Variants in HAUS8 observed in about 807,000 individuals in gnomAD.
The protein encoded by HAUS8 is HAUS augmin-like complex subunit 8.
Under a neutral mutation model 42.9 loss-of-function variants are expected in HAUS8, and 38 were observed. The observed-to-expected ratio is 0.89, with a 90% confidence interval of 0.68 to 1.16. The LOEUF (loss-of-function observed/expected upper bound fraction) is 1.16. HAUS8 is among the 50% of genes most tolerant of loss of function. HAUS8 has a pLI of 0.00. For synonymous variants in HAUS8, 199 were observed against 205.8 expected (o/e 0.97, Z 0.28); for missense variants, 494 against 511.6 (o/e 0.97, Z 0.33).
rs188812472 is a variant in HAUS8 at position 17,064,819 on chromosome 19, C to T, written c.148-2040G>A. On this transcript the variant is annotated intron_variant, in intron 3 of 10. Coordinates refer to ENST00000253669, the MANE Select transcript of HAUS8 (RefSeq NM_033417.2). Reference sequence around the variant, plus strand: ...GGTGGAGATATCCTGGATAAGACTCCAAAAGCACAATCCACAAATGGGGAA... The same window carrying T: ...GGTGGAGATATCCTGGATAAGACTCTAAAAGCACAATCCACAAATGGGGAA... Among the ~76,000 whole-genome samples, 3 of 152,198 alleles carry T rather than the reference C, an allele frequency of 2.0e-5. No homozygotes were observed. The East Asian group carries it at 5.8e-4, about 29-fold the overall frequency.
intron 4 of HAUS8, among the ~76,000 whole-genome samples, chr19:17,060,397 T>C (rs992934610): frequency 6.6e-6 from 1 of 152,222 alleles, no homozygotes; most frequent in Admixed American, 6.5e-5. Flanking sequence ...ATTCCCATTC[T>C]ACCCTCTACT....
intron 4 of HAUS8, among the ~76,000 whole-genome samples, chr19:17,061,021 C>T (rs2057357365): frequency 1.3e-5 from 2 of 151,978 alleles, no homozygotes; most frequent in Admixed American, 1.3e-4. Flanking sequence ...AATATAACAA[C>T]GATTTGTGTT....
chr19:17,059,461 C>A, intron 6 of HAUS8, 96 bp downstream of exon 6: 2 of 815,488 alleles, frequency 2.5e-6, no homozygotes, highest in East Asian at 4.9e-5. Context: ...CTTTTATGTT[C>A]TTGGATCCGT....
chr19:17,060,148 A>G, intron 4 of HAUS8, 56 bp from the exon 5 acceptor site: 1 of 1,271,060 alleles, frequency 7.9e-7, no homozygotes, highest in East Asian at 2.3e-5. Context: ...TCTCCATTCA[A>G]GCCAGGAAAC....
intron 10 of HAUS8, 111 bp downstream of exon 10, chr19:17,052,714 T>C: frequency 3.5e-6 from 4 of 1,150,362 alleles, no homozygotes; most frequent in Non-Finnish European, 3.8e-6. Context: ...CTCAGGGGAC[T>C]GAACCTCCTC....
chr19:17,066,248 A>G (rs1446195308), intron 3 of HAUS8, among the ~76,000 whole-genome samples: 1 of 151,842 alleles, frequency 6.6e-6, no homozygotes, highest in Non-Finnish European at 1.5e-5. Context: ...CACCATGCCC[A>G]GCCACTTGGC....
At position 17,055,114 on chromosome 19, in the gene HAUS8, GAAAAAAAAA is replaced by G. The variant is rs1175327637; in HGVS notation, c.787+738_787+746del. On this transcript the variant is annotated intron_variant, in intron 9 of 10. Coordinates refer to ENST00000253669, the MANE Select transcript of HAUS8 (RefSeq NM_033417.2). ...AACATAGCGAAACCCCGTCTCTACA[GAAAAAAAAA>G]AAAAAAAAAAAAAAAAAAAAATATA... The G allele has an allele frequency of 0.012, 55 of 4,710 alleles. 1 individual carries two copies. In the South Asian group the frequency reaches 0.12, roughly 10 times the overall value. 0.3% of individuals were successfully genotyped at this position (4,710 alleles called of 1,614,324 possible).
At chr19:17,070,618 A>G (rs1568642390) in intron 2 of HAUS8, among the ~76,000 whole-genome samples, 4 of 152,164 alleles carry the variant, frequency 2.6e-5, no homozygotes, top group Non-Finnish European at 5.9e-5. Context: ...ATTTCGTCAC[A>G]GCATCTGTCA....
chr19:17,071,941 A>G (rs578134611), intron 2 of HAUS8, among the ~76,000 whole-genome samples: 61 of 152,114 alleles, frequency 4.0e-4, no homozygotes, highest in Non-Finnish European at 8.4e-4. Context: ...AGCCGAGATC[A>G]CGCCACTGCA....
chr19:17,050,202 C>A (rs545828541), intron 10 of HAUS8, 26 bp from the exon 11 acceptor site: 1 of 1,460,390 alleles, frequency 6.8e-7, no homozygotes, highest in Non-Finnish European at 9.1e-7. Context: ...GAAAGAATAA[C>A]GGCTTTCACC....
At chr19:17,055,165 TATATATATATATATATATATATATATAA>T (rs2057316692) in intron 9 of HAUS8, 1 of 42,958 alleles carries the variant, frequency 2.3e-5, no homozygotes, top group African/African-American at 1.4e-4. Flanking sequence ...TATATATATA[TATATATATATATATATATATATATATAA>T]GCCAGGTGTG....
chr19:17,058,485 C>T lies in HAUS8; in HGVS notation c.645+64G>A, dbSNP rs2057339016. ...TACCCTAGCACGAATGCTACCGAAA[C>T]AGTGGAGATGGGACAGATTCACAGG... On this transcript the variant is annotated intron_variant, in intron 8 of 10. Coordinates refer to ENST00000253669, the MANE Select transcript of HAUS8 (RefSeq NM_033417.2). The T allele has an allele frequency of 9.6e-6, 14 of 1,465,640 alleles. No individual in the cohort carries two copies. In the South Asian group the frequency reaches 1.9e-4, roughly 20 times the overall value. The allele number at this position is 1,465,640 out of a possible 1,614,324, so 90.8% of individuals were successfully genotyped here.
chr19:17,063,869 AC>A (rs1197847695), intron 3 of HAUS8, among the ~76,000 whole-genome samples: 1 of 152,154 alleles, frequency 6.6e-6, no homozygotes, highest in Non-Finnish European at 1.5e-5. Context: ...CTCACACTGA[AC>A]TAAACCACCA....
intron 3 of HAUS8, among the ~76,000 whole-genome samples, chr19:17,064,291 T>G (rs2057376278): frequency 6.6e-6 from 1 of 152,248 alleles, no homozygotes; most frequent in South Asian, 2.1e-4. Context: ...ATTGAAAGAC[T>G]CGCTTTTATT....
At chr19:17,055,702 G>A (rs747507586) in intron 9 of HAUS8, 159 bp downstream of exon 9, 269 of 709,126 alleles carry the variant, frequency 3.8e-4, no homozygotes, top group Non-Finnish European at 5.5e-4. Context: ...TACTCAGGGC[G>A]AGACCCTTGG....
intron 10 of HAUS8, chr19:17,051,906 T>G (rs1194986362): frequency 6.6e-6 from 1 of 151,708 alleles, no homozygotes; most frequent in African/African-American, 2.4e-5. Context: ...TTTGGGGGGC[T>G]GAGGTGGGCA....
In HAUS8 at chr19:17,055,850, C is replaced by G; in HGVS notation, c.787+11G>C. ...CCTGCTGCACACGCACTGGGACGCC[C>G]CGTTTCCTACCTAAGAGCTGCTGCC... On this transcript the variant is annotated intron_variant, in intron 9 of 10. Transcript: ENST00000253669. The G allele has an allele frequency of 6.2e-7, 1 of 1,611,738 alleles. No homozygotes were observed. Among genetic ancestry groups the G allele is most frequent in the South Asian group, 1.1e-5 (1 of 90,976 alleles).
At position 17,052,964 on chromosome 19, in the gene HAUS8, C is replaced by T. The variant is rs776600450; in HGVS notation, c.790G>A (p.Ala264Thr). 7 of 1,613,968 alleles carry T rather than the reference C, an allele frequency of 4.3e-6. No individual in the cohort carries two copies. The highest frequency in any genetic ancestry group is 3.3e-5 in the Admixed American group (2 of 59,990). Reference protein sequence around the residue: ...LEGDGQQLLDALQHELVTTQR... With the variant: ...LEGDGQQLLDTLQHELVTTQR... ...GTGGTCACCAGTTCATGCTGCAGGGCGTCTGGAGGGGAAGAGGGATGGTGG... is the reference window on the plus strand; with the variant it reads ...GTGGTCACCAGTTCATGCTGCAGGGTGTCTGGAGGGGAAGAGGGATGGTGG... Residue 264 changes from alanine (A) to threonine (T), a missense_variant and splice_region_variant, in exon 10 of 11, where the codon GCC becomes ACC. Coordinates refer to ENST00000253669, the MANE Select transcript of HAUS8 (RefSeq NM_033417.2).
chr19:17,075,199 T>G, intron 1 of HAUS8, 195 bp downstream of exon 1: 1 of 619,430 alleles, frequency 1.6e-6, no homozygotes, highest in East Asian at 2.9e-5. Flanking sequence ...GACGCGGAAC[T>G]CAGGGCCGGT....
Sources: gnomAD v4.1 joint callset for allele counts (sites outside exome capture counted in the v4.1 genomes callset) on GRCh38, gnomAD v4.1.1 for gene constraint, MANE v1.5 for transcripts, NCBI Gene and HGNC (gene_info 2026-07-23, HGNC 2026-07-21) for gene names.